PPIG: variants seen among roughly 807,000 people sequenced by gnomAD.
PPIG encodes peptidyl-prolyl cis-trans isomerase G.
Under a neutral mutation model 87.9 loss-of-function variants are expected in PPIG, and 26 were observed. That is an observed-to-expected ratio of 0.30 (90% CI 0.22 to 0.41). PPIG has a LOEUF of 0.41. Among genes scored for constraint, PPIG ranks in the 10% least tolerant of loss-of-function variants. The pLI, the probability that PPIG is intolerant of heterozygous loss-of-function variation, is 1.00. For missense variants in PPIG, 722 were observed against 879.4 expected (o/e 0.82, Z 2.26); for synonymous variants, 308 against 276.5 (o/e 1.11, Z -1.13).
intron 7 of PPIG, 73 bp from the exon 8 acceptor site, chr2:169,614,391 T>A (rs1220043881): frequency 7.4e-7 from 1 of 1,343,334 alleles, no homozygotes; most frequent in East Asian, 2.3e-5. Context: ...TTATTTTCTT[T>A]TTCTTTTTAG....
intron 1 of PPIG, among the ~76,000 whole-genome samples, chr2:169,589,416 A>T (rs1218177508): frequency 1.3e-5 from 2 of 152,136 alleles, no homozygotes; most frequent in Non-Finnish European, 2.9e-5. Context: ...TTCGTTTCTC[A>T]TTTGATCTAT....
intron 12 of PPIG, among the ~76,000 whole-genome samples, chr2:169,634,100 A>G (rs1292348531): frequency 6.6e-6 from 1 of 150,668 alleles, no homozygotes; most frequent in African/African-American, 2.4e-5. Flanking sequence ...TCTCATTTTC[A>G]CCCAGGCTGG....
chr2:169,597,149 G>A (rs1685042123), intron 1 of PPIG, among the ~76,000 whole-genome samples: 1 of 151,970 alleles, frequency 6.6e-6, no homozygotes, highest in South Asian at 2.1e-4. Flanking sequence ...CCTAGGAGTG[G>A]GATATGTTAT....
intron 12 of PPIG, among the ~76,000 whole-genome samples, chr2:169,634,072 C>G (rs1366829661): frequency 6.6e-6 from 1 of 151,722 alleles, no homozygotes; most frequent in Non-Finnish European, 1.5e-5. Flanking sequence ...TCAGGTGATC[C>G]ACCTGCCTGA....
chr2:169,600,334 C>G (rs2044504), intron 1 of PPIG, among the ~76,000 whole-genome samples: 1 of 152,132 alleles, frequency 6.6e-6, no homozygotes, highest in African/African-American at 2.4e-5. Flanking sequence ...TTCAGCCCCC[C>G]AAAGGGCCGG....
chr2:169,616,330 A>C (rs1236899832), intron 9 of PPIG, among the ~76,000 whole-genome samples: 1 of 152,082 alleles, frequency 6.6e-6, no homozygotes, highest in Non-Finnish European at 1.5e-5. Flanking sequence ...GTCTTTATAG[A>C]AGAATGATTT....
intron 9 of PPIG, among the ~76,000 whole-genome samples, chr2:169,619,997 G>A (rs768769474): frequency 6.6e-6 from 1 of 152,084 alleles, no homozygotes. Flanking sequence ...TCAGATGTAT[G>A]GTTTGCAAAT....
chr2:169,622,911 C>A (rs150525299), intron 9 of PPIG, among the ~76,000 whole-genome samples: 1 of 152,010 alleles, frequency 6.6e-6, no homozygotes, highest in East Asian at 1.9e-4. Context: ...ATATTTAAAA[C>A]CTTGTATGAG....
chr2:169,594,435 A>G (rs1210136382), intron 1 of PPIG, among the ~76,000 whole-genome samples: 1 of 151,872 alleles, frequency 6.6e-6, no homozygotes, highest in African/African-American at 2.4e-5. Context: ...CCTTAAACCC[A>G]TGGCCCACAC....
chr2:169,587,276 G>C (rs1408348429), intron 1 of PPIG, among the ~76,000 whole-genome samples: 1 of 147,632 alleles, frequency 6.8e-6, no homozygotes. Flanking sequence ...GAGTCTCGCT[G>C]TCTTGCCCAT....
At chr2:169,597,585 G>A (rs946332192) in intron 1 of PPIG, among the ~76,000 whole-genome samples, 1 of 149,330 alleles carries the variant, frequency 6.7e-6, no homozygotes. Context: ...CACAACCTCC[G>A]CATCCTGAGT....
At position 169,630,814 on chromosome 2, in the gene PPIG, TTCC is replaced by T. The variant is rs780324979; in HGVS notation, c.597_599del (p.Ser202del). On this transcript the variant is annotated inframe_deletion, in exon 10 of 14. Transcript: ENST00000260970. ...AGAAAAGGCATAAATCATCATCATC[TTCC>T]TCCTCCTCATCTAGTGACTCAGATA... 1 of 1,610,584 alleles carries T rather than the reference TTCC, an allele frequency of 6.2e-7. No homozygotes were observed. Among genetic ancestry groups the T allele is most frequent in the Non-Finnish European group, 8.5e-7 (1 of 1,179,048 alleles).
At chr2:169,600,800 C>A (rs1304953274) in intron 1 of PPIG, among the ~76,000 whole-genome samples, 1 of 152,094 alleles carries the variant, frequency 6.6e-6, no homozygotes, top group Non-Finnish European at 1.5e-5. Context: ...ACCTATAACT[C>A]ATTTACTTAG....
At chr2:169,610,557 C>G (rs1439211875) in intron 7 of PPIG, among the ~76,000 whole-genome samples, 1 of 151,106 alleles carries the variant, frequency 6.6e-6, no homozygotes, top group Non-Finnish European at 1.5e-5. Context: ...TGTGAAGTGT[C>G]TCTCCCACCC....
chr2:169,615,530 C>A (rs1239227485), intron 9 of PPIG, among the ~76,000 whole-genome samples: 1 of 152,186 alleles, frequency 6.6e-6, no homozygotes, highest in Admixed American at 6.5e-5. Flanking sequence ...GTGACTTCAA[C>A]GTTTTTAGAT....
chr2:169,609,435 C>T (rs1036640364), intron 7 of PPIG, among the ~76,000 whole-genome samples: 1 of 125,246 alleles, frequency 8.0e-6, no homozygotes, highest in Non-Finnish European at 1.8e-5. Context: ...GGACTCCAGG[C>T]TGGGATTACA....
intron 9 of PPIG, among the ~76,000 whole-genome samples, chr2:169,626,101 A>G (rs533426329): frequency 3.5e-4 from 53 of 152,336 alleles, no homozygotes; most frequent in African/African-American, 1.2e-3. Context: ...GTATATTGGT[A>G]TACTGTTCAG....
At chr2:169,629,862 A>G (rs1258749242) in intron 9 of PPIG, among the ~76,000 whole-genome samples, 2 of 152,204 alleles carry the variant, frequency 1.3e-5, no homozygotes, top group African/African-American at 4.8e-5. Context: ...AGTTTGTACC[A>G]CAAAGGCAAG....
chr2:169,614,555 T>C lies in PPIG; in HGVS notation c.408-30T>C. On this transcript the variant is annotated intron_variant, in intron 8 of 13. Coordinates refer to ENST00000260970, the MANE Select transcript of PPIG (RefSeq NM_004792.3). ...AATTAACCTTGAAATAAAAAGCTTTTATTTAATAATTTTTTACTTGACACT... is the reference window on the plus strand; with the variant it reads ...AATTAACCTTGAAATAAAAAGCTTTCATTTAATAATTTTTTACTTGACACT... The C allele has an allele frequency of 3.2e-6, 5 of 1,575,842 alleles. No individual in the cohort carries two copies. In the South Asian group the frequency reaches 3.6e-5, roughly 11 times the overall value.
Sources: allele counts gnomAD v4.1 joint callset (sites outside exome capture counted in the v4.1 genomes callset), GRCh38; gene constraint gnomAD v4.1.1; transcripts MANE v1.5; gene names NCBI Gene and HGNC (gene_info 2026-07-23, HGNC 2026-07-21).